ASB17: variants seen among roughly 807,000 people sequenced by gnomAD.
ASB17 encodes the protein ankyrin repeat and SOCS box containing 17.
Under a neutral mutation model 25.7 loss-of-function variants are expected in ASB17, and 26 were observed. The ratio of observed to expected loss-of-function variants is 1.01; its 90% CI spans 0.74 to 1.40. The LOEUF is 1.40. Among genes scored for constraint, ASB17 ranks in the 40% most tolerant of loss-of-function variants. The probability of loss-of-function intolerance (pLI) is 0.00; values close to 1 mark genes in which losing one functional copy is unlikely to be tolerated. For synonymous variants in ASB17, 128 were observed against 121.4 expected (o/e 1.05, Z -0.36); for missense variants, 326 against 338.5 (o/e 0.96, Z 0.29).
chr1:75,924,132 C>T (rs1411371901), intron 1 of ASB17, among the ~76,000 whole-genome samples: 1 of 151,888 alleles, frequency 6.6e-6, no homozygotes, highest in Non-Finnish European at 1.5e-5. Context: ...AGATGTTTTC[C>T]AATAAAAAGA....
chr1:75,926,403 C>G (rs1253924240), intron 1 of ASB17, among the ~76,000 whole-genome samples: 1 of 152,064 alleles, frequency 6.6e-6, no homozygotes, highest in Admixed American at 6.5e-5. Context: ...GAACAAAGAC[C>G]AGAAGGAGGT....
intron 1 of ASB17, among the ~76,000 whole-genome samples, chr1:75,930,589 T>A (rs1653298567): frequency 6.6e-6 from 1 of 152,018 alleles, no homozygotes; most frequent in Non-Finnish European, 1.5e-5. Context: ...TCAGTAGAAC[T>A]GGCCTGTAAT....
intron 1 of ASB17, among the ~76,000 whole-genome samples, chr1:75,927,944 C>T (rs1304346762): frequency 2.6e-5 from 4 of 152,166 alleles, no homozygotes; most frequent in Admixed American, 2.6e-4. Flanking sequence ...TCCTATCTCA[C>T]TCTCTAGCTA....
At chr1:75,920,352 A>C in intron 2 of ASB17, among the ~76,000 whole-genome samples, 1 of 152,238 alleles carries the variant, frequency 6.6e-6, no homozygotes, top group East Asian at 1.9e-4. Flanking sequence ...TCCACAGGCT[A>C]CATGATACTA....
intron 1 of ASB17, among the ~76,000 whole-genome samples, chr1:75,923,241 G>T (rs1653077109): frequency 6.6e-6 from 1 of 152,120 alleles, no homozygotes; most frequent in Non-Finnish European, 1.5e-5. Flanking sequence ...GTAAATTATA[G>T]TGAGAACCAT....
chr1:75,919,051 G>T lies in ASB17; in HGVS notation c.789C>A (p.Thr263=). 6.2e-7 allele frequency: 1 copy of T among 1,611,638 alleles called. No individual in the cohort carries two copies. Among genetic ancestry groups the T allele is most frequent in the Non-Finnish European group, 8.5e-7 (1 of 1,178,064 alleles). The change falls in exon 3 of 3, where the codon ACC becomes ACA. Residue 263 remains threonine (T), a synonymous_variant. Transcript: ENST00000284142. The stretch of plus-strand genomic sequence containing the variant: ...TGTTGGTTAATAGTTGATTCCTGAT[G>T]GTTAGTCTGCAAAGATGTAATAGTT... ...PCELLHLCRL[T]IRNQLLTNNM... is the part of the protein sequence containing the mutation.
intron 2 of ASB17, among the ~76,000 whole-genome samples, chr1:75,920,544 A>T (rs1262964206): frequency 6.6e-6 from 1 of 152,226 alleles, no homozygotes; most frequent in Non-Finnish European, 1.5e-5. Flanking sequence ...TATTTACAAT[A>T]AAATATATGT....
At chr1:75,926,545 C>A (rs1472717393) in intron 1 of ASB17, among the ~76,000 whole-genome samples, 1 of 152,160 alleles carries the variant, frequency 6.6e-6, no homozygotes, top group Non-Finnish European at 1.5e-5. Context: ...TTATTTAGAG[C>A]CTTATGGATC....
In ASB17 at chr1:75,932,384, C is replaced by T. The variant is rs1653347603; in HGVS notation, c.-93G>A. ...TTTTGACAATGTGGCAGGCTTTACT[C>T]CACAAACAGAAGTGCCCTTTAAACT... On this transcript the variant is annotated 5_prime_UTR_variant, in exon 1 of 3. Transcript: ENST00000284142. The T allele has an allele frequency of 8.3e-7, 1 of 1,198,856 alleles. No individual in the cohort carries two copies. The highest frequency in any genetic ancestry group is 1.5e-5 in the African/African-American group (1 of 65,566). 74.3% of individuals were successfully genotyped at this position (1,198,856 alleles called of 1,614,324 possible).
intron 1 of ASB17, among the ~76,000 whole-genome samples, chr1:75,927,415 G>T (rs560374551): frequency 6.6e-6 from 1 of 151,996 alleles, no homozygotes; most frequent in South Asian, 2.1e-4. Context: ...ATCACTTACC[G>T]TGTCTTGTAA....
chr1:75,920,758 G>GCTTTTTTTT, intron 2 of ASB17, among the ~76,000 whole-genome samples: 1 of 151,252 alleles, frequency 6.6e-6, no homozygotes, highest in Admixed American at 6.6e-5. Flanking sequence ...CTGTCCTAGT[G>GCTTTTTTTT]CTTTTCTTTT....
At chr1:75,925,574 G>T (rs1343200962) in intron 1 of ASB17, among the ~76,000 whole-genome samples, 2 of 152,054 alleles carry the variant, frequency 1.3e-5, no homozygotes, top group African/African-American at 4.8e-5. Context: ...ACCAGAATTT[G>T]CTTAATCTGT....
intron 1 of ASB17, among the ~76,000 whole-genome samples, chr1:75,924,753 C>T (rs1050479367): frequency 1.3e-5 from 2 of 152,006 alleles, no homozygotes; most frequent in Non-Finnish European, 2.9e-5. Flanking sequence ...TCCCAAACCA[C>T]CACTGCATCC....
At chr1:75,926,452 C>T (rs1261680580) in intron 1 of ASB17, among the ~76,000 whole-genome samples, 7 of 152,146 alleles carry the variant, frequency 4.6e-5, no homozygotes, top group South Asian at 2.1e-4. Flanking sequence ...GGCCCTATGG[C>T]GGGAGACTGT....
chr1:75,931,984 G>C lies in ASB17; in HGVS notation c.308C>G (p.Ala103Gly), dbSNP rs867745250. The stretch of plus-strand genomic sequence containing the variant: ...CACAAAGTCAGGATTACCTTTTCTG[G>C]CAAAAACCCAGTACAGAATTGTATT... ...CVNTILYWVFARKGNPDFVEL... is the reference protein window; with the variant it reads ...CVNTILYWVFGRKGNPDFVEL... The change falls in exon 1 of 3, where the codon GCC (alanine) becomes GGC (glycine). Residue 103 changes from alanine (A) to glycine (G), a missense_variant. Transcript: ENST00000284142. The C allele has an allele frequency of 6.2e-7, 1 of 1,613,790 alleles. No homozygotes were observed. The highest frequency in any genetic ancestry group is 1.1e-5 in the South Asian group (1 of 91,046).
At chr1:75,929,740 A>T (rs1653272345) in intron 1 of ASB17, among the ~76,000 whole-genome samples, 1 of 152,186 alleles carries the variant, frequency 6.6e-6, no homozygotes, top group African/African-American at 2.4e-5. Context: ...TTTTCTATGC[A>T]AGAGGTGATG....
At chr1:75,926,417 G>T (rs1287083440) in intron 1 of ASB17, among the ~76,000 whole-genome samples, 5 of 152,212 alleles carry the variant, frequency 3.3e-5, no homozygotes, top group Admixed American at 3.3e-4. Context: ...AGGAGGTGCG[G>T]AAGTTAACCA....
At chr1:75,929,492 T>G (rs1189964679) in intron 1 of ASB17, among the ~76,000 whole-genome samples, 1 of 152,124 alleles carries the variant, frequency 6.6e-6, no homozygotes, top group East Asian at 1.9e-4. Context: ...GTGCTGGGAT[T>G]ACAGGCGTGA....
intron 1 of ASB17, 127 bp from the exon 2 acceptor site, chr1:75,922,486 T>TTA (rs2100609318): frequency 1.3e-4 from 54 of 400,566 alleles, no homozygotes; most frequent in Non-Finnish European, 1.7e-4. Flanking sequence ...CTTTATATGT[T>TTA]TCTTTTTTTT....
Sources: allele counts gnomAD v4.1 joint callset (sites outside exome capture counted in the v4.1 genomes callset), GRCh38; gene constraint gnomAD v4.1.1; transcripts MANE v1.5; gene names NCBI Gene and HGNC (gene_info 2026-07-23, HGNC 2026-07-21).